Variants in KATNIP observed in about 807,000 individuals in gnomAD.
KATNIP encodes katanin interacting protein.
In KATNIP, 126 loss-of-function variants were observed where a neutral mutation model predicts 174.0. The ratio of observed to expected loss-of-function variants is 0.72; its 90% CI spans 0.63 to 0.84. KATNIP has a LOEUF of 0.84. KATNIP is among the 40% of genes least tolerant of loss of function. KATNIP has a pLI of 0.00. For missense variants in KATNIP, 1,958 were observed against 2,109.7 expected (o/e 0.93, Z 1.41); for synonymous variants, 810 against 835.7 (o/e 0.97, Z 0.53).
At chr16:27,632,806 A>G (rs1321662440) in intron 5 of KATNIP, among the ~76,000 whole-genome samples, 1 of 151,432 alleles carries the variant, frequency 6.6e-6, no homozygotes, top group African/African-American at 2.4e-5. Flanking sequence ...GGTGGAGTGC[A>G]GTGGTGTGAT....
intron 8 of KATNIP, among the ~76,000 whole-genome samples, chr16:27,697,008 C>T (rs111524797): frequency 4.6e-5 from 7 of 152,126 alleles, no homozygotes; most frequent in African/African-American, 7.2e-5. Flanking sequence ...AGATTACAGG[C>T]GTGAGCCACC....
intron 8 of KATNIP, among the ~76,000 whole-genome samples, chr16:27,693,701 T>TA (rs2078816483): frequency 6.6e-6 from 1 of 152,128 alleles, no homozygotes; most frequent in Non-Finnish European, 1.5e-5. Context: ...ACTTGATGTT[T>TA]ATTGCTCAGA....
At position 27,780,277 on chromosome 16, in the gene KATNIP, G is replaced by A. The variant is rs2082639335; in HGVS notation, c.*1648G>A. On this transcript the variant is annotated 3_prime_UTR_variant, in exon 28 of 28. Transcript: ENST00000261588. ...ATAATCGTATGTACTGTGCAATTTA[G>A]GAGGGGAAAAAAAGGCTGTACAAGC... is the stretch of plus-strand genomic sequence containing the variant. 6.6e-6 allele frequency: 1 copy of A among 152,078 alleles called. No individual in the cohort carries two copies. Among genetic ancestry groups the A allele is most frequent in the Non-Finnish European group, 1.5e-5 (1 of 68,006 alleles). The allele number at this position is 152,078 out of a possible 1,614,324, so 9.4% of individuals were successfully genotyped here.
At chr16:27,570,237 C>G (rs1046139502) in intron 1 of KATNIP, among the ~76,000 whole-genome samples, 1 of 152,028 alleles carries the variant, frequency 6.6e-6, no homozygotes, top group Admixed American at 6.6e-5. Context: ...GTAACCACTT[C>G]CATTTTGTGG....
chr16:27,767,124 CA>C (rs2082152718), intron 20 of KATNIP, among the ~76,000 whole-genome samples: 1 of 152,042 alleles, frequency 6.6e-6, no homozygotes, highest in African/African-American at 2.4e-5. Flanking sequence ...GCCCTCCAGT[CA>C]TGTAAAAGTG....
chr16:27,634,617 C>A (rs867053879), intron 5 of KATNIP, among the ~76,000 whole-genome samples: 1 of 152,224 alleles, frequency 6.6e-6, no homozygotes, highest in African/African-American at 2.4e-5. Flanking sequence ...CCCTGCCCCG[C>A]AGCCTGGCTA....
At chr16:27,733,905 C>G (rs1287540011) in intron 14 of KATNIP, among the ~76,000 whole-genome samples, 1 of 152,076 alleles carries the variant, frequency 6.6e-6, no homozygotes, top group Non-Finnish European at 1.5e-5. Context: ...CATACAGCCT[C>G]TAAGCACACC....
chr16:27,596,444 G>C (rs2075339444), intron 2 of KATNIP, among the ~76,000 whole-genome samples: 1 of 152,100 alleles, frequency 6.6e-6, no homozygotes, highest in Non-Finnish European at 1.5e-5. Context: ...TTAAAACCTA[G>C]GAAGACCCTG....
chr16:27,611,550 C>G (rs911622620), intron 2 of KATNIP, among the ~76,000 whole-genome samples: 2 of 152,158 alleles, frequency 1.3e-5, no homozygotes, highest in Non-Finnish European at 2.9e-5. Context: ...GGCACTCAGG[C>G]GAAACTCTGT....
intron 21 of KATNIP, among the ~76,000 whole-genome samples, chr16:27,770,511 G>A (rs939393305): frequency 2.0e-5 from 3 of 152,226 alleles, no homozygotes; most frequent in African/African-American, 4.8e-5. Context: ...ATGTCCAAAC[G>A]CCAGAGGCCA....
intron 15 of KATNIP, 21 bp downstream of exon 15, chr16:27,740,941 C>G: frequency 6.4e-7 from 1 of 1,566,332 alleles, no homozygotes; most frequent in African/African-American, 1.3e-5. Flanking sequence ...AAGAGCAGCC[C>G]GACTTGGGCA....
chr16:27,747,336 C>G (rs906018517), intron 15 of KATNIP, among the ~76,000 whole-genome samples: 1 of 152,060 alleles, frequency 6.6e-6, no homozygotes, highest in Non-Finnish European at 1.5e-5. Flanking sequence ...ATTTCAGTGG[C>G]GGGTTAGGGA....
rs79450439 is a variant in KATNIP, at chr16:27,779,799, C to A, written c.*1170C>A. ...TTGGTTTCCCAGTAGTGGGTAATTT[C>A]TCGTTGCAAATATTAATCCGTTGTT... On this transcript the variant is annotated 3_prime_UTR_variant, in exon 28 of 28. Coordinates refer to ENST00000261588, the MANE Select transcript of KATNIP (RefSeq NM_015202.5). The A allele has an allele frequency of 0.026, 3,981 of 152,360 alleles. 72 individuals are homozygous for A. Among genetic ancestry groups the A allele is most frequent in the Non-Finnish European group, 0.042 (2,845 of 68,072 alleles). The allele number at this position is 152,360 out of a possible 1,614,324, so 9.4% of individuals were successfully genotyped here.
intron 3 of KATNIP, among the ~76,000 whole-genome samples, chr16:27,627,062 A>G (rs2076356111): frequency 6.6e-6 from 1 of 152,074 alleles, no homozygotes; most frequent in Non-Finnish European, 1.5e-5. Context: ...CTGTCTGTGA[A>G]TTTGTGTCAT....
At chr16:27,551,939 A>G (rs148498310) in intron 1 of KATNIP, among the ~76,000 whole-genome samples, 204 of 151,736 alleles carry the variant, frequency 1.3e-3, no homozygotes, top group African/African-American at 4.5e-3. Flanking sequence ...GCAGTGCCTC[A>G]CACCTGTGAT....
chr16:27,702,412 T>C (rs987961243), intron 11 of KATNIP, among the ~76,000 whole-genome samples: 1 of 152,208 alleles, frequency 6.6e-6, no homozygotes, highest in Admixed American at 6.5e-5. Flanking sequence ...GGTTTTATTA[T>C]CAAAATAAAG....
intron 13 of KATNIP, among the ~76,000 whole-genome samples, chr16:27,709,627 A>G (rs1167563797): frequency 6.6e-6 from 1 of 152,122 alleles, no homozygotes. Flanking sequence ...TGACAGAATG[A>G]GACTCTGTCT....
intron 14 of KATNIP, 49 bp from the exon 15 acceptor site, chr16:27,739,992 A>G (rs1597344232): frequency 8.4e-6 from 13 of 1,541,844 alleles, no homozygotes; most frequent in Non-Finnish European, 1.1e-5. Context: ...AATTTCATAC[A>G]TCAGTCTGAT....
At chr16:27,712,060 C>T (rs1292438614) in intron 13 of KATNIP, among the ~76,000 whole-genome samples, 1 of 152,240 alleles carries the variant, frequency 6.6e-6, no homozygotes, top group Non-Finnish European at 1.5e-5. Flanking sequence ...ACACTAGAGA[C>T]AATAAAAAGC....
Sources: gnomAD v4.1 joint callset for allele counts (sites outside exome capture counted in the v4.1 genomes callset) on GRCh38, gnomAD v4.1.1 for gene constraint, MANE v1.5 for transcripts, NCBI Gene and HGNC (gene_info 2026-07-23, HGNC 2026-07-21) for gene names.